The following CHD7 variants were observed in gnomAD, a reference collection of about 807,000 sequenced individuals.
The protein encoded by CHD7 is ATP-dependent chromatin remodeler CHD7.
A neutral mutation model predicts 307.3 loss-of-function variants in CHD7; 24 were observed. The ratio of observed to expected loss-of-function variants is 0.08; its 90% CI spans 0.06 to 0.11. The LOEUF is 0.11. Among genes scored for constraint, CHD7 ranks in the 10% least tolerant of loss-of-function variants. The pLI is 1.00. For missense variants in CHD7, 3,106 were observed against 3,727.1 expected (o/e 0.83, Z 4.34); for synonymous variants, 1,363 against 1,349.9 (o/e 1.01, Z -0.21).
intron 1 of CHD7, among the ~76,000 whole-genome samples, chr8:60,681,687 G>C (rs140157820): frequency 6.6e-5 from 10 of 152,320 alleles, no homozygotes; most frequent in Middle Eastern, 3.4e-3. Flanking sequence ...CTGATAAAAG[G>C]ACATAATGGA....
chr8:60,773,404 T>C (rs1329065122), intron 2 of CHD7, among the ~76,000 whole-genome samples: 1 of 152,198 alleles, frequency 6.6e-6, no homozygotes, highest in East Asian at 1.9e-4. Flanking sequence ...CATTCAAGTC[T>C]TGTATAAACA....
chr8:60,762,634 T>C (rs1810270499), intron 2 of CHD7, among the ~76,000 whole-genome samples: 1 of 152,242 alleles, frequency 6.6e-6, no homozygotes, highest in African/African-American at 2.4e-5. Context: ...TGTAAATTAT[T>C]ACTGCTATCG....
intron 3 of CHD7, among the ~76,000 whole-genome samples, chr8:60,794,635 A>T (rs1811930100): frequency 6.6e-6 from 1 of 152,140 alleles, no homozygotes; most frequent in Admixed American, 6.5e-5. Flanking sequence ...GTTTTTCATG[A>T]CAATTAAAAA....
intron 7 of CHD7, chr8:60,809,386 T>C (rs1327880844): frequency 1.3e-5 from 2 of 152,082 alleles, no homozygotes; most frequent in Non-Finnish European, 2.9e-5. Context: ...TTTCCTATGG[T>C]AAGGAGGAGG....
Position 60,716,138 on chromosome 8 carries a change from C to T in CHD7, c.-174-25121C>T, listed in dbSNP as rs970165719. Among the ~76,000 whole-genome samples, 8 of 152,190 alleles carry T rather than the reference C, an allele frequency of 5.3e-5. 1 individual carries two copies. The highest frequency in any genetic ancestry group is 1.0e-4 in the Non-Finnish European group (7 of 68,040). ...TTTAAAGTATATGCAGAGTCTGATA[C>T]CTTTTCTCTCCACTTCTACCACCCG... On this transcript the variant is annotated intron_variant, in intron 1 of 37. Coordinates refer to ENST00000423902, the MANE Select transcript of CHD7 (RefSeq NM_017780.4).
rs532818264 is a variant in CHD7, at chr8:60,739,839, A to G, written c.-174-1420A>G. Among the ~76,000 whole-genome samples the G allele has an allele frequency of 3.3e-5, 5 of 152,308 alleles. No homozygotes were observed. The South Asian group carries it at 8.3e-4, about 25-fold the overall frequency. ...TTGTTCATTCCCATGCTCTTATGGA[A>G]GGGTGTCAGTAGAATTTATGACTGA... On this transcript the variant is annotated intron_variant, in intron 1 of 37. Transcript: ENST00000423902.
At chr8:60,831,590 C>G (rs190963654) in intron 15 of CHD7, among the ~76,000 whole-genome samples, 40 of 151,826 alleles carry the variant, frequency 2.6e-4, no homozygotes, top group Admixed American at 5.9e-4. Context: ...AAATATGATT[C>G]AGGGTGATGC....
intron 3 of CHD7, among the ~76,000 whole-genome samples, chr8:60,786,445 T>C (rs1249619785): frequency 6.6e-6 from 1 of 152,218 alleles, no homozygotes; most frequent in East Asian, 1.9e-4. Flanking sequence ...CTGGGCCTGC[T>C]GGAAATTTGT....
chr8:60,770,382 A>G (rs1299618898), intron 2 of CHD7, among the ~76,000 whole-genome samples: 2 of 152,192 alleles, frequency 1.3e-5, no homozygotes, highest in Non-Finnish European at 2.9e-5. Context: ...CACTTGCACA[A>G]CACTGCTGTT....
At chr8:60,727,128 A>T (rs990995367) in intron 1 of CHD7, among the ~76,000 whole-genome samples, 3 of 151,976 alleles carry the variant, frequency 2.0e-5, no homozygotes, top group South Asian at 4.1e-4. Context: ...TTATTTTATT[A>T]TTTATTTATT....
chr8:60,809,475 A>T (rs1812690515), intron 7 of CHD7: 1 of 152,076 alleles, frequency 6.6e-6, no homozygotes, highest in African/African-American at 2.4e-5. Flanking sequence ...TTCAAATATC[A>T]ATCACCAAAA....
At chr8:60,769,468 C>T (rs35254359) in intron 2 of CHD7, among the ~76,000 whole-genome samples, 34,350 of 151,994 alleles carry the variant, frequency 0.23, 6,245 homozygotes, top group African/African-American at 0.51. Context: ...ATTGAAGATA[C>T]GTGTGTACCT....
At chr8:60,850,443 G>A (rs890290705) in intron 25 of CHD7, 50 bp from the exon 26 acceptor site, 2 of 1,568,864 alleles carry the variant, frequency 1.3e-6, no homozygotes, top group Admixed American at 1.7e-5. Flanking sequence ...CAGTGATGGG[G>A]CCTTTCTTTG....
At position 60,853,074 on chromosome 8, in the gene CHD7, C is replaced by T. The variant is rs367733295; in HGVS notation, c.6349C>T (p.Leu2117Phe). The T allele has an allele frequency of 5.6e-6, 9 of 1,613,850 alleles. No individual in the cohort carries two copies. Among genetic ancestry groups the T allele is most frequent in the African/African-American group, 5.3e-5 (4 of 74,912 alleles). Residue 2117 changes from leucine to phenylalanine, a missense_variant, in exon 31 of 38, where the codon CTC becomes TTC. Around this residue, in one of 10 missense-constraint regions of CHD7, gnomAD observed 1,030 missense variants for 1,165.4 expected, o/e 0.88. Transcript: ENST00000423902. Reference protein sequence around the residue: ...HGVSRTDYHILNDPELSFLDA... With the variant: ...HGVSRTDYHIFNDPELSFLDA... Reference sequence around the variant, plus strand: ...GGTCAGTCGGACGGATTATCACATCCTCAATGACCCTGAGTTATCCTTCTT... The same window carrying T: ...GGTCAGTCGGACGGATTATCACATCTTCAATGACCCTGAGTTATCCTTCTT...
At chr8:60,855,480 G>T (rs1563663781) in intron 32 of CHD7, among the ~76,000 whole-genome samples, 1 of 152,190 alleles carries the variant, frequency 6.6e-6, no homozygotes, top group Non-Finnish European at 1.5e-5. Context: ...CTAGGTTGGT[G>T]CCCACTTCAT....
chr8:60,761,701 C>A (rs1284450152), intron 2 of CHD7, among the ~76,000 whole-genome samples: 1 of 151,630 alleles, frequency 6.6e-6, no homozygotes, highest in Non-Finnish European at 1.5e-5. Context: ...AGAAGGATTT[C>A]CATAATCCAT....
rs779967922 is a variant in CHD7 at position 60,741,708 on chromosome 8, C to T, written c.276C>T (p.Asn92=). 5 of 1,613,842 alleles carry T rather than the reference C, an allele frequency of 3.1e-6. No individual in the cohort carries two copies. The Admixed American group carries it at 8.3e-5, about 27-fold the overall frequency. ...LMDQPNRMMS[N]TPGNGLASPH... is the part of the protein sequence containing the mutation. ...ATCAGCCGAACAGAATGATGAGCAA[C>T]ACCCCTGGGAACGGACTCGCGTCTC... The change falls in exon 2 of 38, where the codon AAC becomes AAT. Residue 92 remains asparagine, a synonymous_variant. Coordinates refer to ENST00000423902, the MANE Select transcript of CHD7 (RefSeq NM_017780.4).
chr8:60,775,669 A>G (rs1173007084), intron 2 of CHD7, among the ~76,000 whole-genome samples: 16 of 152,260 alleles, frequency 1.1e-4, no homozygotes. Context: ...CCCTTAGGAC[A>G]CTCTCTGTAC....
chr8:60,704,373 G>A (rs1806914978), intron 1 of CHD7, among the ~76,000 whole-genome samples: 1 of 152,034 alleles, frequency 6.6e-6, no homozygotes, highest in Middle Eastern at 3.2e-3. Context: ...AAAAAAAGGA[G>A]CAGTGATGTC....
Sources: gnomAD v4.1 joint callset for allele counts (sites outside exome capture counted in the v4.1 genomes callset) on GRCh38, gnomAD v4.1.1 for gene constraint, gnomAD v4.1.1 regional missense constraint, MANE v1.5 for transcripts, NCBI Gene and HGNC (gene_info 2026-07-23, HGNC 2026-07-21) for gene names.